Variants in FSTL5 observed in about 807,000 individuals in gnomAD.
The protein encoded by FSTL5 is follistatin-related protein 5.
Under a neutral mutation model 89.1 loss-of-function variants are expected in FSTL5, and 62 were observed. That is an observed-to-expected ratio of 0.70 (90% CI 0.57 to 0.86). FSTL5 has a LOEUF of 0.86. FSTL5 is among the 40% of genes least tolerant of loss of function. The probability of loss-of-function intolerance (pLI) is 0.00; values close to 1 mark genes in which losing one functional copy is unlikely to be tolerated. For missense variants in FSTL5, 1,057 were observed against 1,001.6 expected, an observed-to-expected ratio of 1.06 and a Z score of -0.75; for synonymous variants, 383 against 346.2, an observed-to-expected ratio of 1.11 and a Z score of -1.18.
intron 15 of FSTL5, among the ~76,000 whole-genome samples, chr4:161,453,888 C>T (rs973275892): frequency 6.6e-6 from 1 of 152,120 alleles, no homozygotes; most frequent in Non-Finnish European, 1.5e-5. Flanking sequence ...GCTACCATGC[C>T]CAGCCTGCAC....
intron 11 of FSTL5, among the ~76,000 whole-genome samples, chr4:161,508,098 T>C (rs1165373362): frequency 1.3e-5 from 2 of 151,990 alleles, no homozygotes; most frequent in African/African-American, 4.8e-5. Flanking sequence ...CCTTAGAAAA[T>C]TTAGTTACCT....
intron 4 of FSTL5, among the ~76,000 whole-genome samples, chr4:161,828,307 G>T (rs1260620626): frequency 6.6e-6 from 1 of 151,622 alleles, no homozygotes; most frequent in Non-Finnish European, 1.5e-5. Context: ...ACAGTTTTGG[G>T]GCTGTCTCCT....
intron 3 of FSTL5, among the ~76,000 whole-genome samples, chr4:161,925,939 A>G (rs1337766217): frequency 6.6e-6 from 1 of 151,936 alleles, no homozygotes; most frequent in African/African-American, 2.4e-5. Flanking sequence ...AAAATTCAAA[A>G]TTACATTACA....
intron 3 of FSTL5, among the ~76,000 whole-genome samples, chr4:161,925,630 TAAGTA>T (rs1449380807): frequency 6.6e-6 from 1 of 151,856 alleles, no homozygotes; most frequent in African/African-American, 2.4e-5. Context: ...TTAAGAATAT[TAAGTA>T]GAATAATGCA....
At chr4:161,445,256 G>T (rs1166801761) in intron 15 of FSTL5, among the ~76,000 whole-genome samples, 2 of 151,814 alleles carry the variant, frequency 1.3e-5, no homozygotes, top group African/African-American at 4.8e-5. Context: ...GTAGTATAGA[G>T]CCTCTACTTT....
At chr4:161,512,611 T>C (rs920237137) in intron 10 of FSTL5, among the ~76,000 whole-genome samples, 1 of 152,072 alleles carries the variant, frequency 6.6e-6, no homozygotes, top group African/African-American at 2.4e-5. Context: ...AAAGCACCAC[T>C]ATTTTAAAGG....
chr4:161,926,397 T>C (rs1431968067), intron 3 of FSTL5, among the ~76,000 whole-genome samples: 5 of 30,870 alleles, frequency 1.6e-4, no homozygotes, highest in African/African-American at 5.5e-4. Flanking sequence ...GAAGAAGGTT[T>C]TTTTTTTTTG....
chr4:161,709,721 A>C lies in FSTL5; in HGVS notation c.727+49690T>G, dbSNP rs1476701575. On this transcript the variant is annotated intron_variant, in intron 6 of 15. Coordinates refer to ENST00000306100, the MANE Select transcript of FSTL5 (RefSeq NM_020116.5). ...TGAAGTGCGAGGATCACTTGAGCCC[A>C]GGAGGTTGAGGCTTCAGTGAGCCAT... Among the ~76,000 whole-genome samples the C allele has an allele frequency of 3.3e-5, 5 of 152,256 alleles. No individual in the cohort carries two copies. The South Asian group carries it at 1.0e-3, about 32-fold the overall frequency.
chr4:162,039,358 TA>T (rs976576217), intron 2 of FSTL5, among the ~76,000 whole-genome samples: 1 of 151,832 alleles, frequency 6.6e-6, no homozygotes. Flanking sequence ...TGGTCACTAA[TA>T]AAAAACATAT....
chr4:161,565,342 A>G (rs1372453697), intron 8 of FSTL5, among the ~76,000 whole-genome samples: 1 of 151,964 alleles, frequency 6.6e-6, no homozygotes. Flanking sequence ...TTTGCTTAGT[A>G]AATGTCAAGT....
In FSTL5 at chr4:161,602,253, A is replaced by AAGAGAGAG. The variant is rs58991875; in HGVS notation, c.895-14686_895-14679dup. On this transcript the variant is annotated intron_variant, in intron 7 of 15. Transcript: ENST00000306100. ...TGAGAGAGTGAGAGAGAGGGAGAGAAAGAGAGAGAGAGAGAGAGAGAGAGA... is the reference window on the plus strand; with the variant it reads ...TGAGAGAGTGAGAGAGAGGGAGAGAAAGAGAGAGAGAGAGAGAGAGAGAGAGAGAGAGA... 7.0e-3 allele frequency among the ~76,000 whole-genome samples: 862 copies of AAGAGAGAG among 122,758 alleles called. 29 individuals carry two copies. Among genetic ancestry groups the AAGAGAGAG allele is most frequent in the African/African-American group, 0.024 (745 of 30,848 alleles). 80.5% of individuals were successfully genotyped at this position (122,758 alleles called of 152,430 possible). A position where few individuals can be genotyped will look rare whatever the true frequency, so the allele number is the denominator to read the frequency against.
intron 5 of FSTL5, among the ~76,000 whole-genome samples, chr4:161,772,297 T>C (rs1364001942): frequency 2.6e-5 from 4 of 152,190 alleles, no homozygotes; most frequent in Non-Finnish European, 4.4e-5. Flanking sequence ...AAGAATAGTT[T>C]GTAAATTATT....
chr4:161,983,474 C>G (rs1735881549), intron 3 of FSTL5, among the ~76,000 whole-genome samples: 1 of 152,160 alleles, frequency 6.6e-6, no homozygotes, highest in South Asian at 2.1e-4. Flanking sequence ...GCAAGAACAA[C>G]TTGTATTTCC....
chr4:161,470,160 C>A (rs958805431), intron 13 of FSTL5, among the ~76,000 whole-genome samples: 2 of 152,102 alleles, frequency 1.3e-5, no homozygotes, highest in Admixed American at 6.6e-5. Context: ...GTTGTCACAT[C>A]TTAGATATCC....
rs151328400 is a variant in FSTL5 at position 161,777,465 on chromosome 4, T to A, written c.410-1391A>T. On this transcript the variant is annotated intron_variant, in intron 4 of 15. Coordinates refer to ENST00000306100, the MANE Select transcript of FSTL5 (RefSeq NM_020116.5). Reference sequence around the variant, plus strand: ...GGAATGTAAATTAGTACAAACACTATGAAGAACAGTATGAAGCATCTCAAA... The same window carrying A: ...GGAATGTAAATTAGTACAAACACTAAGAAGAACAGTATGAAGCATCTCAAA... Among the ~76,000 whole-genome samples, 9 of 152,170 alleles carry A rather than the reference T, an allele frequency of 5.9e-5. No homozygotes were observed. The East Asian group carries it at 1.4e-3, about 23-fold the overall frequency.
intron 4 of FSTL5, among the ~76,000 whole-genome samples, chr4:161,917,330 A>C (rs569274251): frequency 6.6e-6 from 1 of 152,366 alleles, no homozygotes; most frequent in African/African-American, 2.4e-5. Flanking sequence ...AGTGCAAATC[A>C]GTAAGGAATA....
At chr4:161,892,665 A>G (rs1280161684) in intron 4 of FSTL5, among the ~76,000 whole-genome samples, 1 of 152,024 alleles carries the variant, frequency 6.6e-6, no homozygotes, top group African/African-American at 2.4e-5. Flanking sequence ...TTTCCACATC[A>G]CAGTTTAATC....
At chr4:162,043,794 A>C (rs1227301987) in intron 2 of FSTL5, among the ~76,000 whole-genome samples, 1 of 152,192 alleles carries the variant, frequency 6.6e-6, no homozygotes, top group Non-Finnish European at 1.5e-5. Context: ...GCATCTTCAC[A>C]AGGAGTAGAT....
intron 4 of FSTL5, among the ~76,000 whole-genome samples, chr4:161,781,637 C>T (rs1208402550): frequency 6.6e-6 from 1 of 151,994 alleles, no homozygotes; most frequent in Non-Finnish European, 1.5e-5. Flanking sequence ...TATAGAGTTC[C>T]AATATACCCT....
Sources: allele counts gnomAD v4.1 joint callset (sites outside exome capture counted in the v4.1 genomes callset), GRCh38; gene constraint gnomAD v4.1.1; transcripts MANE v1.5; gene names NCBI Gene and HGNC (gene_info 2026-07-23, HGNC 2026-07-21).